RAB7B: variants seen among roughly 807,000 people sequenced by gnomAD.
RAB7B encodes the protein ras-related protein Rab-7b.
At chr1:205,999,300 C>T (rs1399577307) in intron 1 of RAB7B, among the ~76,000 whole-genome samples, 2 of 152,080 alleles carry the variant, frequency 1.3e-5, no homozygotes, top group Admixed American at 6.6e-5. Flanking sequence ...AGGCAACACA[C>T]CTATCAAAAA....
chr1:205,979,047 G>A, intron 5 of RAB7B, 119 bp from the exon 6 acceptor site: 1 of 392,760 alleles, frequency 2.5e-6, no homozygotes, highest in Non-Finnish European at 4.5e-6. Context: ...TATACTTCTG[G>A]GAAACTGAGG....
At chr1:205,993,984 A>T (rs1660768529) in intron 2 of RAB7B, 99 bp downstream of exon 2, 1 of 397,886 alleles carries the variant, frequency 2.5e-6, no homozygotes, top group Non-Finnish European at 4.4e-6. Flanking sequence ...GTCACCCTGA[A>T]TCAGAAAGGG....
chr1:206,000,393 A>G (rs1292929982), intron 1 of RAB7B, among the ~76,000 whole-genome samples: 3 of 152,250 alleles, frequency 2.0e-5, no homozygotes, highest in Non-Finnish European at 4.4e-5. Context: ...CGTGATTTTC[A>G]GATAGGACAA....
At chr1:205,979,944 C>T (rs1335054503) in intron 5 of RAB7B, among the ~76,000 whole-genome samples, 1 of 152,168 alleles carries the variant, frequency 6.6e-6, no homozygotes, top group African/African-American at 2.4e-5. Context: ...GGCCAGACAC[C>T]CAGCTGGTGA....
At chr1:205,985,482 C>T (rs1301518476) in intron 5 of RAB7B, 58 bp downstream of exon 5, 3 of 398,364 alleles carry the variant, frequency 7.5e-6, no homozygotes, top group African/African-American at 2.1e-5. Context: ...TGGAAGCTCC[C>T]GAGACCCTCC....
At chr1:205,988,394 T>A (rs1467563017) in intron 4 of RAB7B, among the ~76,000 whole-genome samples, 2 of 150,950 alleles carry the variant, frequency 1.3e-5, no homozygotes, top group Non-Finnish European at 2.9e-5. Context: ...ACCTGGCTAA[T>A]TAAAAAAAAT....
At position 205,977,692 on chromosome 1, in the gene RAB7B, C is replaced by T. The variant is rs1368735104; in HGVS notation, c.*1159G>A. 1 of 152,226 alleles carries T rather than the reference C, an allele frequency of 6.6e-6. No homozygotes were observed. The highest frequency in any genetic ancestry group is 1.5e-5 in the Non-Finnish European group (1 of 68,058). 9.4% of individuals were successfully genotyped at this position (152,226 alleles called of 1,614,324 possible). A position where few individuals can be genotyped will look rare whatever the true frequency, so the allele number is the denominator to read the frequency against. On this transcript the variant is annotated 3_prime_UTR_variant, in exon 6 of 6. Transcript: ENST00000617070. Reference sequence around the variant, plus strand: ...GTCAATGGATGTCCTTTCACTGTTCCTGGAACATGGCAAGCTTGTTTTTGC... The same window carrying T: ...GTCAATGGATGTCCTTTCACTGTTCTTGGAACATGGCAAGCTTGTTTTTGC...
At chr1:205,992,374 G>C in intron 4 of RAB7B, 106 bp downstream of exon 4, 1 of 397,650 alleles carries the variant, frequency 2.5e-6, no homozygotes, top group Non-Finnish European at 4.4e-6. Flanking sequence ...CCTGAAGTAA[G>C]GACTATGCCT....
intron 3 of RAB7B, 53 bp downstream of exon 3, chr1:205,993,367 G>C (rs905531966): frequency 2.0e-5 from 8 of 396,586 alleles, no homozygotes; most frequent in African/African-American, 1.4e-4. Context: ...GTCCGGGCTT[G>C]GGGGGGATTT....
At chr1:205,986,777 T>G (rs1660615843) in intron 4 of RAB7B, among the ~76,000 whole-genome samples, 1 of 152,184 alleles carries the variant, frequency 6.6e-6, no homozygotes, top group South Asian at 2.1e-4. Flanking sequence ...TACTTTATAA[T>G]CATTATTTCA....
chr1:205,983,416 AC>A (rs1411819850), intron 5 of RAB7B, among the ~76,000 whole-genome samples: 14 of 152,152 alleles, frequency 9.2e-5, no homozygotes, highest in African/African-American at 2.4e-4. Flanking sequence ...TCTGGGAGTC[AC>A]CTTGTCATCT....
chr1:205,996,143 AGTGTGTGT>A (rs1182397777), intron 1 of RAB7B, among the ~76,000 whole-genome samples: 8,350 of 142,820 alleles, frequency 0.058, 626 homozygotes, highest in African/African-American at 0.18. Context: ...GTAAATGTAT[AGTGTGTGT>A]GTGTGTGTGT....
intron 5 of RAB7B, among the ~76,000 whole-genome samples, chr1:205,979,694 G>T (rs951962900): frequency 6.6e-6 from 1 of 152,128 alleles, no homozygotes; most frequent in Non-Finnish European, 1.5e-5. Context: ...GCTCAATCGC[G>T]TTCATGTTCC....
rs940197444 is a variant in RAB7B, at chr1:205,985,146, G to A, written c.522+394C>T. ...TTTGATTGGGAGATGTCAGCAACTC[G>A]TACAGGTTTGATATTTCACTTGGGT... On this transcript the variant is annotated intron_variant, in intron 5 of 5. Transcript: ENST00000617070. Among the ~76,000 whole-genome samples the A allele has an allele frequency of 4.3e-3, 653 of 152,272 alleles. 2 individuals are homozygous for A. The highest frequency in any genetic ancestry group is 0.015 in the African/African-American group (613 of 41,530).
chr1:205,980,923 C>T (rs1391595159), intron 5 of RAB7B, among the ~76,000 whole-genome samples: 1 of 147,294 alleles, frequency 6.8e-6, no homozygotes, highest in African/African-American at 2.5e-5. Flanking sequence ...CTTTCTTTGA[C>T]AGGGTCTCAC....
intron 1 of RAB7B, among the ~76,000 whole-genome samples, chr1:205,999,700 T>G (rs1381117238): frequency 2.6e-5 from 4 of 152,346 alleles, no homozygotes; most frequent in African/African-American, 9.6e-5. Flanking sequence ...TGTCCATCAA[T>G]ATGACACTCT....
At chr1:205,988,199 G>A (rs1230021437) in intron 4 of RAB7B, among the ~76,000 whole-genome samples, 3 of 146,652 alleles carry the variant, frequency 2.0e-5, no homozygotes, top group Admixed American at 1.4e-4. Context: ...ATGTATATGT[G>A]TGTATATATG....
At chr1:205,997,762 C>T in intron 1 of RAB7B, among the ~76,000 whole-genome samples, 1 of 152,228 alleles carries the variant, frequency 6.6e-6, no homozygotes, top group South Asian at 2.1e-4. Flanking sequence ...TTGGAAGGGT[C>T]CTAGGAGCAA....
chr1:205,994,131 T>G lies in RAB7B; in HGVS notation c.5A>C (p.Asn2Thr), dbSNP rs1397066057. The G allele has an allele frequency of 5.3e-5, 21 of 398,492 alleles. No individual in the cohort carries two copies. Among genetic ancestry groups the G allele is most frequent in the Admixed American group, 1.3e-4 (3 of 22,712 alleles). The allele number at this position is 398,492 out of a possible 1,614,324, so 24.7% of individuals were successfully genotyped here. MNPRKKVDLKLI... is the reference protein window; with the variant it reads MTPRKKVDLKLI... The stretch of plus-strand genomic sequence containing the variant: ...TTTCAGGTCCACCTTCTTCCGGGGA[T>G]TCATGGAAGGGCTTCAGAGCCTGTA... Residue 2 changes from asparagine (N) to threonine (T), a missense_variant, in exon 2 of 6, where the codon AAT becomes ACT. Transcript: ENST00000617070.
Sources: gnomAD v4.1 joint callset for allele counts (sites outside exome capture counted in the v4.1 genomes callset) on GRCh38, gnomAD v4.1.1 for gene constraint, MANE v1.5 for transcripts, NCBI Gene and HGNC (gene_info 2026-07-23, HGNC 2026-07-21) for gene names.